Variants in ARL5B observed in about 807,000 individuals in gnomAD.
ARL5B encodes the protein ARF like GTPase 5B.
A neutral mutation model predicts 26.9 loss-of-function variants in ARL5B; 10 were observed. That is an observed-to-expected ratio of 0.37 (90% CI 0.23 to 0.63). The LOEUF (loss-of-function observed/expected upper bound fraction) is 0.63. ARL5B is among the 30% of genes least tolerant of loss of function. The pLI is 0.62. For missense variants in ARL5B, 167 were observed against 213.9 expected (o/e 0.78, Z 1.37); for synonymous variants, 87 against 70.4 (o/e 1.24, Z -1.18).
Position 18,674,152 on chromosome 10 carries a change from G to C in ARL5B, c.491+17G>C. On this transcript the variant is annotated intron_variant, in intron 5 of 5. Transcript: ENST00000377275. Reference sequence around the variant, plus strand: ...AGGAGAAGGGTAAGTTCATCCGTCTGAGGGGAGGTATGACTTCTTTCAAAT... The same window carrying C: ...AGGAGAAGGGTAAGTTCATCCGTCTCAGGGGAGGTATGACTTCTTTCAAAT... 5.0e-6 allele frequency: 8 copies of C among 1,594,624 alleles called. No individual in the cohort carries two copies. The highest frequency in any genetic ancestry group is 1.4e-5 in the African/African-American group (1 of 73,960).
chr10:18,662,107 T>G (rs2059839476), intron 1 of ARL5B, among the ~76,000 whole-genome samples: 1 of 152,248 alleles, frequency 6.6e-6, no homozygotes, highest in Admixed American at 6.5e-5. Flanking sequence ...TTTCCATTTT[T>G]GTAACTATAT....
chr10:18,669,192 A>G (rs986055029), intron 3 of ARL5B, among the ~76,000 whole-genome samples: 2 of 152,104 alleles, frequency 1.3e-5, no homozygotes, highest in African/African-American at 4.8e-5. Flanking sequence ...GCAAATAGAA[A>G]GATTGTTTGG....
intron 3 of ARL5B, among the ~76,000 whole-genome samples, chr10:18,669,884 C>T (rs2059878926): frequency 6.6e-6 from 1 of 151,170 alleles, no homozygotes; most frequent in African/African-American, 2.4e-5. Context: ...TCCCCAGCTA[C>T]TCAGGAGGCT....
chr10:18,666,017 A>C (rs1252685507), intron 1 of ARL5B, among the ~76,000 whole-genome samples: 1 of 152,212 alleles, frequency 6.6e-6, no homozygotes, highest in African/African-American at 2.4e-5. Flanking sequence ...CGGTTGAAAA[A>C]ATGTTAAACA....
Position 18,659,702 on chromosome 10 carries a change from C to T in ARL5B, c.46+19C>T, listed in dbSNP as rs1029644890. On this transcript the variant is annotated intron_variant, in intron 1 of 5. Transcript: ENST00000377275. ...AACCAAGGTGAGAAGAATGGAGCTG[C>T]GCGGCGGCTCGAATCCGAGGCAGAG... The T allele has an allele frequency of 2.5e-6, 4 of 1,608,446 alleles. No homozygotes were observed. The highest frequency in any genetic ancestry group is 2.5e-6 in the Non-Finnish European group (3 of 1,177,764).
Position 18,674,230 on chromosome 10 carries a change from CTGTT to C in ARL5B, c.491+104_491+107del, listed in dbSNP as rs1364978912. On this transcript the variant is annotated intron_variant, in intron 5 of 5. Coordinates refer to ENST00000377275, the MANE Select transcript of ARL5B (RefSeq NM_178815.5). Reference sequence around the variant, plus strand: ...TTTCTTCATGGGTCCTGTTCCTTTTCTGTTTGTTTGTTCTTAATTAAAGGTGACT... The same window carrying C: ...TTTCTTCATGGGTCCTGTTCCTTTTCTGTTTGTTCTTAATTAAAGGTGACT... 1.6e-5 allele frequency: 19 copies of C among 1,197,180 alleles called. 1 individual carries two copies. Among genetic ancestry groups the C allele is most frequent in the African/African-American group, 1.6e-4 (10 of 63,906 alleles). 74.2% of individuals were successfully genotyped at this position (1,197,180 alleles called of 1,614,324 possible).
chr10:18,661,034 A>C (rs2059832797), intron 1 of ARL5B, among the ~76,000 whole-genome samples: 1 of 152,116 alleles, frequency 6.6e-6, no homozygotes, highest in African/African-American at 2.4e-5. Flanking sequence ...TCTTTAGTAG[A>C]GACAGGGTTT....
At chr10:18,674,786 A>G (rs1590229755) in intron 5 of ARL5B, among the ~76,000 whole-genome samples, 1 of 152,120 alleles carries the variant, frequency 6.6e-6, no homozygotes, top group Non-Finnish European at 1.5e-5. Context: ...GGCCTTTTTG[A>G]CTCATACTTT....
intron 3 of ARL5B, among the ~76,000 whole-genome samples, chr10:18,669,562 A>AT (rs1564865489): frequency 1.3e-5 from 2 of 152,178 alleles, no homozygotes; most frequent in Admixed American, 1.3e-4. Flanking sequence ...TTAGAGGCAG[A>AT]TTTTTTTAAA....
intron 5 of ARL5B, among the ~76,000 whole-genome samples, chr10:18,674,831 T>A (rs1476293451): frequency 6.6e-6 from 1 of 152,144 alleles, no homozygotes; most frequent in Non-Finnish European, 1.5e-5. Flanking sequence ...TCTTTAGAAT[T>A]GAGGAGGATA....
At chr10:18,660,400 A>G (rs1167736642) in intron 1 of ARL5B, among the ~76,000 whole-genome samples, 1 of 152,208 alleles carries the variant, frequency 6.6e-6, no homozygotes, top group Non-Finnish European at 1.5e-5. Context: ...TTCTGAAGAG[A>G]GAAAACACCC....
At chr10:18,670,223 T>C (rs1352686012) in intron 3 of ARL5B, among the ~76,000 whole-genome samples, 1 of 152,170 alleles carries the variant, frequency 6.6e-6, no homozygotes, top group Non-Finnish European at 1.5e-5. Context: ...ATTATTTTAT[T>C]GGGTATGCAG....
At chr10:18,672,050 A>G (rs892328729) in intron 3 of ARL5B, among the ~76,000 whole-genome samples, 3 of 152,142 alleles carry the variant, frequency 2.0e-5, no homozygotes, top group Non-Finnish European at 4.4e-5. Context: ...CCTTTATTTA[A>G]TTTCACCTGA....
At chr10:18,664,267 T>G (rs1437876260) in intron 1 of ARL5B, among the ~76,000 whole-genome samples, 2 of 151,998 alleles carry the variant, frequency 1.3e-5, no homozygotes, top group East Asian at 3.9e-4. Context: ...AACTTTTTTC[T>G]TAAGAGATGG....
At chr10:18,673,643 C>T (rs2059897906) in intron 4 of ARL5B, among the ~76,000 whole-genome samples, 3 of 152,176 alleles carry the variant, frequency 2.0e-5, no homozygotes, top group East Asian at 1.9e-4. Flanking sequence ...TTGCCCAGCT[C>T]CCACCACCAG....
rs201735394 is a variant in ARL5B at position 18,668,546 on chromosome 10, G to A, written c.124G>A (p.Val42Ile). The A allele has an allele frequency of 6.2e-7, 1 of 1,613,984 alleles. No individual in the cohort carries two copies. Among genetic ancestry groups the A allele is most frequent in the East Asian group, 2.2e-5 (1 of 44,856 alleles). ...ILYQFLMNEVVHTSPTIGSNV... is the reference protein window; with the variant it reads ...ILYQFLMNEVIHTSPTIGSNV... Reference sequence around the variant, plus strand: ...TTTCAACAGCTTAATGAATGAAGTGGTTCATACTTCTCCAACCATAGGAAG... The same window carrying A: ...TTTCAACAGCTTAATGAATGAAGTGATTCATACTTCTCCAACCATAGGAAG... Residue 42 changes from valine (V) to isoleucine (I), a missense_variant, in exon 3 of 6, where the codon GTT becomes ATT. By Grantham distance (29) the Val-to-Ile change is conservative. Transcript: ENST00000377275.
intron 3 of ARL5B, among the ~76,000 whole-genome samples, chr10:18,670,379 G>A (rs2059881599): frequency 2.6e-5 from 4 of 152,230 alleles, no homozygotes; most frequent in Admixed American, 2.6e-4. Flanking sequence ...GGTAGGCCGA[G>A]GTGGGCAGAT....
intron 3 of ARL5B, 95 bp downstream of exon 3, chr10:18,668,772 T>C: frequency 3.0e-6 from 1 of 337,778 alleles, no homozygotes; most frequent in Non-Finnish European, 4.2e-6. Flanking sequence ...ACAGTTGCCT[T>C]TTTTTTTTTT....
intron 1 of ARL5B, among the ~76,000 whole-genome samples, chr10:18,660,726 A>ATG (rs2059829796): frequency 6.6e-6 from 1 of 151,266 alleles, no homozygotes; most frequent in Non-Finnish European, 1.5e-5. Context: ...AGGCACACAC[A>ATG]TGTGTATATA....
Sources: gnomAD v4.1 joint callset for allele counts (sites outside exome capture counted in the v4.1 genomes callset) on GRCh38, gnomAD v4.1.1 for gene constraint, MANE v1.5 for transcripts, NCBI Gene and HGNC (gene_info 2026-07-23, HGNC 2026-07-21) for gene names.